The following ARL14EPL variants were observed in gnomAD, a reference collection of about 807,000 sequenced individuals.
ARL14EPL encodes the protein ARL14 effector protein-like.
ARL14EPL carries 17 observed loss-of-function variants against 15.9 expected under a neutral mutation model. That is an observed-to-expected ratio of 1.07 (90% CI 0.73 to 1.60). The LOEUF is 1.60. Among genes scored for constraint, ARL14EPL ranks in the 40% most tolerant of loss-of-function variants. The pLI, the probability that ARL14EPL is intolerant of heterozygous loss-of-function variation, is 0.00. For missense variants in ARL14EPL, 214 were observed against 185.9 expected (o/e 1.15, Z -0.88); for synonymous variants, 78 against 63.8 (o/e 1.22, Z -1.06).
At chr5:116,040,420 A>T (rs1180644247) in intron 1 of ARL14EPL, among the ~76,000 whole-genome samples, 1 of 151,674 alleles carries the variant, frequency 6.6e-6, no homozygotes, top group Non-Finnish European at 1.5e-5. Context: ...AGTGAAGGGA[A>T]GGCATTAAAG....
chr5:116,049,483 AT>A (rs1749330211), intron 1 of ARL14EPL, among the ~76,000 whole-genome samples: 1 of 152,132 alleles, frequency 6.6e-6, no homozygotes, highest in African/African-American at 2.4e-5. Flanking sequence ...TAAATTAATT[AT>A]TTTTTCTTTC....
chr5:116,053,351 C>A (rs1334064402), intron 2 of ARL14EPL, among the ~76,000 whole-genome samples: 41 of 131,184 alleles, frequency 3.1e-4, no homozygotes, highest in Admixed American at 4.0e-4. Flanking sequence ...GACCCTATCT[C>A]AAAAAAAAAA....
chr5:116,052,044 A>G, intron 2 of ARL14EPL: 11 of 1,612,428 alleles, frequency 6.8e-6, no homozygotes, highest in Non-Finnish European at 9.3e-6. Flanking sequence ...CTGGCCAGGG[A>G]GCCTCGAATC....
intron 1 of ARL14EPL, among the ~76,000 whole-genome samples, chr5:116,050,355 C>T (rs1488170920): frequency 6.6e-6 from 1 of 152,166 alleles, no homozygotes. Flanking sequence ...ATTTGGTTTT[C>T]GTTTTCTGTA....
chr5:116,042,139 T>G (rs1212361677), intron 1 of ARL14EPL, among the ~76,000 whole-genome samples: 2 of 152,174 alleles, frequency 1.3e-5, no homozygotes, highest in Non-Finnish European at 2.9e-5. Flanking sequence ...CCAGGAGTCT[T>G]TCTTGACATC....
At chr5:116,040,930 A>G (rs1237276846) in intron 1 of ARL14EPL, among the ~76,000 whole-genome samples, 2 of 136,570 alleles carry the variant, frequency 1.5e-5, no homozygotes, top group African/African-American at 5.4e-5. Context: ...CAGTGAGCTG[A>G]AATAGCGCCA....
chr5:116,039,597 A>G (rs560048114), intron 1 of ARL14EPL, among the ~76,000 whole-genome samples: 1 of 152,300 alleles, frequency 6.6e-6, no homozygotes, highest in East Asian at 1.9e-4. Flanking sequence ...AAGGGGAAAA[A>G]AAGAATGAAA....
chr5:116,046,425 C>T (rs1464301717), intron 1 of ARL14EPL, among the ~76,000 whole-genome samples: 1 of 152,208 alleles, frequency 6.6e-6, no homozygotes, highest in Non-Finnish European at 1.5e-5. Context: ...GCATCCTAAA[C>T]ATAAATGGAA....
intron 1 of ARL14EPL, among the ~76,000 whole-genome samples, chr5:116,034,218 A>C (rs1428090): frequency 0.41 from 61,633 of 152,016 alleles, 12,740 homozygotes; most frequent in African/African-American, 0.48. Flanking sequence ...GAGATCAACA[A>C]AGGCGGTTAG....
At chr5:116,034,588 G>C (rs1749014355) in intron 1 of ARL14EPL, among the ~76,000 whole-genome samples, 1 of 152,136 alleles carries the variant, frequency 6.6e-6, no homozygotes, top group East Asian at 1.9e-4. Context: ...TCAGAGAGAA[G>C]TTTTGACCTG....
At chr5:116,033,871 C>T (rs1439860120) in intron 1 of ARL14EPL, among the ~76,000 whole-genome samples, 1 of 152,150 alleles carries the variant, frequency 6.6e-6, no homozygotes, top group Non-Finnish European at 1.5e-5. Context: ...TGTATGTGAA[C>T]ACTTGCCTGT....
At chr5:116,058,085 C>T (rs1318205016) in intron 3 of ARL14EPL, among the ~76,000 whole-genome samples, 2 of 152,218 alleles carry the variant, frequency 1.3e-5, no homozygotes, top group East Asian at 3.9e-4. Flanking sequence ...ATCCCACCTT[C>T]AGTCAGAGCT....
At chr5:116,053,872 G>A in intron 2 of ARL14EPL, 142 bp from the exon 3 acceptor site, 1 of 634,974 alleles carries the variant, frequency 1.6e-6, no homozygotes, top group Non-Finnish European at 2.4e-6. Flanking sequence ...AACTTAATTA[G>A]ATTAAATCGT....
intron 1 of ARL14EPL, among the ~76,000 whole-genome samples, chr5:116,036,768 G>A (rs1376692450): frequency 6.6e-6 from 1 of 152,048 alleles, no homozygotes; most frequent in African/African-American, 2.4e-5. Flanking sequence ...ATAAACCATT[G>A]TAACTATAAA....
intron 2 of ARL14EPL, chr5:116,051,861 T>C (rs1001408156): frequency 8.4e-7 from 1 of 1,190,970 alleles, no homozygotes; most frequent in Non-Finnish European, 1.2e-6. Flanking sequence ...TTTTATTTTT[T>C]GATTTAATAA....
chr5:116,043,567 ATTAG>A (rs889104130), intron 1 of ARL14EPL, among the ~76,000 whole-genome samples: 2 of 152,184 alleles, frequency 1.3e-5, no homozygotes, highest in African/African-American at 4.8e-5. Flanking sequence ...CTGAAGTTTT[ATTAG>A]TTAAACCATT....
At chr5:116,055,013 A>G (rs945433108) in intron 3 of ARL14EPL, among the ~76,000 whole-genome samples, 7 of 152,170 alleles carry the variant, frequency 4.6e-5, no homozygotes, top group African/African-American at 1.7e-4. Flanking sequence ...TCCAAAATAT[A>G]TGAAGAATCT....
At chr5:116,055,362 T>C (rs997386906) in intron 3 of ARL14EPL, among the ~76,000 whole-genome samples, 9 of 152,218 alleles carry the variant, frequency 5.9e-5, no homozygotes, top group African/African-American at 2.2e-4. Flanking sequence ...GTTTAAGAAG[T>C]TTCATGGCAT....
chr5:116,040,898 A>G (rs1018147639), intron 1 of ARL14EPL, among the ~76,000 whole-genome samples: 3 of 145,474 alleles, frequency 2.1e-5, no homozygotes, highest in Non-Finnish European at 3.0e-5. Flanking sequence ...GGAGAATCGC[A>G]TGAACCCAGA....
Sources: gnomAD v4.1 joint callset for allele counts (sites outside exome capture counted in the v4.1 genomes callset) on GRCh38, gnomAD v4.1.1 for gene constraint, MANE v1.5 for transcripts, NCBI Gene and HGNC (gene_info 2026-07-23, HGNC 2026-07-21) for gene names.